PIAS1: variants seen among roughly 807,000 people sequenced by gnomAD.
PIAS1 encodes the protein protein inhibitor of activated STAT 1.
PIAS1 carries 6 observed loss-of-function variants against 71.3 expected under a neutral mutation model. That is an observed-to-expected ratio of 0.08 (90% CI 0.05 to 0.17). PIAS1 has a LOEUF of 0.17. Ranked by LOEUF, PIAS1 falls within the 10% of genes least tolerant of loss-of-function variation. The pLI is 1.00. For synonymous variants in PIAS1, 303 were observed against 292.9 expected (o/e 1.03, Z -0.35); for missense variants, 555 against 793.6 (o/e 0.70, Z 3.61).
chr15:68,170,776 G>A (rs986622350), intron 8 of PIAS1, among the ~76,000 whole-genome samples: 2 of 152,008 alleles, frequency 1.3e-5, no homozygotes, highest in Non-Finnish European at 2.9e-5. Flanking sequence ...AAGTAGCTGG[G>A]ATCCCAGACG....
rs184686512 is a variant in PIAS1, at chr15:68,084,754, T to C, written c.25-1552T>C. The stretch of plus-strand genomic sequence containing the variant: ...CTAGTTGTAGATGCTGAGGGTAATA[T>C]GGTTGTGTACCATGGAGAACCCTGG... On this transcript the variant is annotated intron_variant, in intron 1 of 13. Transcript: ENST00000249636. Among the ~76,000 whole-genome samples the C allele has an allele frequency of 6.7e-3, 1,021 of 152,294 alleles. 6 individuals carry two copies. The highest frequency in any genetic ancestry group is 9.9e-3 in the Non-Finnish European group (671 of 68,020).
In PIAS1 at chr15:68,075,929, C is replaced by T. The variant is rs369708608; in HGVS notation, c.25-10377C>T. Among the ~76,000 whole-genome samples the T allele has an allele frequency of 9.2e-5, 14 of 152,056 alleles. No homozygotes were observed. The South Asian group carries it at 2.5e-3, about 27-fold the overall frequency. On this transcript the variant is annotated intron_variant, in intron 1 of 13. Coordinates refer to ENST00000249636, the MANE Select transcript of PIAS1 (RefSeq NM_016166.3). ...TCTCAAGTAGCTGGGATTACAGGTG[C>T]CCAGGACCGTGCCTGGTTCATTTTT...
Position 68,086,464 on chromosome 15 carries a change from T to C in PIAS1, c.183T>C (p.Tyr61=), listed in dbSNP as rs755581050. The C allele has an allele frequency of 5.0e-6, 8 of 1,613,966 alleles. No individual in the cohort carries two copies. Among genetic ancestry groups the C allele is most frequent in the South Asian group, 4.4e-5 (4 of 91,084 alleles). Residue 61 remains tyrosine (Y), a synonymous_variant, in exon 2 of 14, where the codon TAT becomes TAC. Transcript: ENST00000249636. This position sits in a 1 kb window ranked among gnomAD's most constrained non-coding sequence, Gnocchi z 7.2. The stretch of plus-strand genomic sequence containing the variant: ...TGCAAATGAAAATTAAGGAACTCTA[T>C]AGGCGGCGGTTCCCACAGAAAATCA... ...PAVQMKIKEL[Y]RRRFPQKIMT...
In PIAS1 at chr15:68,142,314, C is replaced by A; in HGVS notation, c.579C>A (p.Asp193Glu). ...SSMDISGTKC[D>E]FTVQVQLRFC... ...GGGATATTTCTGGGACCAAATGTGA[C>A]TTCACAGTACAGGTCCAGTTAAGGT... is the stretch of plus-strand genomic sequence containing the variant. The change falls in exon 4 of 14, where the codon GAC becomes GAA. Residue 193 changes from aspartate (D) to glutamate (E), a missense_variant. Physicochemically the swap from Asp to Glu is conservative, Grantham distance 45. Transcript: ENST00000249636. 1 of 1,604,666 alleles carries A rather than the reference C, an allele frequency of 6.2e-7. No homozygotes were observed. The highest frequency in any genetic ancestry group is 8.5e-7 in the Non-Finnish European group (1 of 1,172,048).
intron 1 of PIAS1, among the ~76,000 whole-genome samples, chr15:68,075,648 T>A (rs552853890): frequency 6.6e-6 from 1 of 152,188 alleles, no homozygotes; most frequent in East Asian, 1.9e-4. Flanking sequence ...GTCGTTATTA[T>A]TAATAGGCTT....
intron 8 of PIAS1, among the ~76,000 whole-genome samples, chr15:68,172,525 G>C (rs2092998059): frequency 6.6e-6 from 1 of 152,224 alleles, no homozygotes; most frequent in African/African-American, 2.4e-5. Context: ...CTAGTTTACA[G>C]TCCCACCAAC....
intron 2 of PIAS1, among the ~76,000 whole-genome samples, chr15:68,093,520 G>C (rs1180032326): frequency 6.6e-6 from 1 of 152,154 alleles, no homozygotes; most frequent in Non-Finnish European, 1.5e-5. Context: ...AATTTCTTTT[G>C]CGCCATTCTT....
intron 1 of PIAS1, among the ~76,000 whole-genome samples, chr15:68,067,751 T>G (rs1173815496): frequency 1.3e-5 from 2 of 152,148 alleles, no homozygotes; most frequent in African/African-American, 4.8e-5. Flanking sequence ...ATGTATAACC[T>G]TATAGAAAAA....
intron 2 of PIAS1, among the ~76,000 whole-genome samples, chr15:68,122,993 GTT>G (rs545626666): frequency 1.4e-5 from 2 of 139,174 alleles, no homozygotes; most frequent in Admixed American, 7.1e-5. Flanking sequence ...GGTAAAAGCT[GTT>G]TTTTTTTTTT....
chr15:68,181,506 AT>A, intron 12 of PIAS1, 152 bp downstream of exon 12: 1 of 657,044 alleles, frequency 1.5e-6, no homozygotes, highest in Non-Finnish European at 2.6e-6. Context: ...TGCCGTTGTT[AT>A]AAATACTGAC....
chr15:68,092,441 A>G (rs949745059), intron 2 of PIAS1, among the ~76,000 whole-genome samples: 3 of 152,122 alleles, frequency 2.0e-5, no homozygotes, highest in African/African-American at 7.2e-5. Flanking sequence ...TCAAAGTGCT[A>G]GGATTACAGG....
chr15:68,109,389 C>T (rs1012758256), intron 2 of PIAS1, among the ~76,000 whole-genome samples: 1 of 152,094 alleles, frequency 6.6e-6, no homozygotes, highest in Non-Finnish European at 1.5e-5. Context: ...GTGTAAATGC[C>T]ATAAGGGCAG....
intron 2 of PIAS1, among the ~76,000 whole-genome samples, chr15:68,095,959 A>G (rs961661603): frequency 3.3e-5 from 5 of 152,198 alleles, no homozygotes; most frequent in Admixed American, 6.5e-5. Context: ...AATAAGCTTT[A>G]GATGTGCCAA....
At chr15:68,154,598 T>C (rs1428070204) in intron 7 of PIAS1, among the ~76,000 whole-genome samples, 1 of 152,226 alleles carries the variant, frequency 6.6e-6, no homozygotes, top group African/African-American at 2.4e-5. Flanking sequence ...CCCCTTTCTG[T>C]AACTTATTTC....
intron 2 of PIAS1, among the ~76,000 whole-genome samples, chr15:68,099,243 A>G (rs1032121201): frequency 6.7e-6 from 1 of 150,292 alleles, no homozygotes. Flanking sequence ...GGGTGACTAT[A>G]TATGTATATA....
chr15:68,159,100 T>G (rs1335364542), intron 7 of PIAS1, among the ~76,000 whole-genome samples: 1 of 152,160 alleles, frequency 6.6e-6, no homozygotes, highest in Admixed American at 6.5e-5. Context: ...AGCTGTAACT[T>G]TATTATAGTC....
rs769075652 is a variant in PIAS1 at position 68,189,110 on chromosome 15, T to A, written c.*1275T>A. The A allele has an allele frequency of 1.3e-5, 2 of 152,192 alleles. No individual in the cohort carries two copies. The highest frequency in any genetic ancestry group is 2.9e-5 in the Non-Finnish European group (2 of 68,030). 9.4% of individuals were successfully genotyped at this position (152,192 alleles called of 1,614,324 possible). A position where few individuals can be genotyped will look rare whatever the true frequency, so the allele number is the denominator to read the frequency against. On this transcript the variant is annotated 3_prime_UTR_variant, in exon 14 of 14. Coordinates refer to ENST00000249636, the MANE Select transcript of PIAS1 (RefSeq NM_016166.3). ...TCTTCACCTTTTAACAAGTATGACA[T>A]AGGAAAGTCATTTTTTTTTAGAATT...
At chr15:68,067,478 T>G (rs1410209615) in intron 1 of PIAS1, among the ~76,000 whole-genome samples, 1 of 152,146 alleles carries the variant, frequency 6.6e-6, no homozygotes, top group African/African-American at 2.4e-5. Flanking sequence ...TTTTCTTTTT[T>G]TCTTCCCTCA....
chr15:68,166,184 T>C (rs1222709197), intron 8 of PIAS1, among the ~76,000 whole-genome samples: 2 of 152,118 alleles, frequency 1.3e-5, no homozygotes, highest in African/African-American at 4.8e-5. Flanking sequence ...TTTATTTTTA[T>C]TCCTTTTTAT....
Sources: allele counts gnomAD v4.1 joint callset (sites outside exome capture counted in the v4.1 genomes callset), GRCh38; gene constraint gnomAD v4.1.1; non-coding constraint Gnocchi (gnomAD v3.1); transcripts MANE v1.5; gene names NCBI Gene and HGNC (gene_info 2026-07-23, HGNC 2026-07-21).